Variants in HPSE2 observed in about 807,000 individuals in gnomAD.
The protein encoded by HPSE2 is inactive heparanase-2.
A neutral mutation model predicts 60.5 loss-of-function variants in HPSE2; 38 were observed. The ratio of observed to expected loss-of-function variants is 0.63; its 90% CI spans 0.48 to 0.82. The LOEUF (loss-of-function observed/expected upper bound fraction) is 0.82. HPSE2 is among the 40% of genes least tolerant of loss of function. The pLI is 0.00. For missense variants in HPSE2, 713 were observed against 740.4 expected, an observed-to-expected ratio of 0.96 and a Z score of 0.43; for synonymous variants, 295 against 293.2, an observed-to-expected ratio of 1.01 and a Z score of -0.06.
At chr10:98,870,797 A>G (rs1589981290) in intron 3 of HPSE2, among the ~76,000 whole-genome samples, 1 of 151,872 alleles carries the variant, frequency 6.6e-6, no homozygotes, top group East Asian at 1.9e-4. Context: ...ACAATTCCCA[A>G]TGTTGGAGCT....
rs532127546 is a variant in HPSE2, at chr10:98,572,782, T to TG, written c.1320+42121_1320+42122insC. Among the ~76,000 whole-genome samples, 8 of 152,206 alleles carry TG rather than the reference T, an allele frequency of 5.3e-5. No homozygotes were observed. In the South Asian group the frequency reaches 1.7e-3, roughly 32 times the overall value. The stretch of plus-strand genomic sequence containing the variant: ...GGCTCCACATGCCTCCTGTGTGAAA[T>TG]CCCCCCAACAAGACTCAGATGCCTC... On this transcript the variant is annotated intron_variant, in intron 9 of 11. Transcript: ENST00000370552.
At chr10:98,687,893 G>A (rs1245462941) in intron 6 of HPSE2, among the ~76,000 whole-genome samples, 1 of 152,044 alleles carries the variant, frequency 6.6e-6, no homozygotes, top group Non-Finnish European at 1.5e-5. Context: ...ATAGCATCCA[G>A]TCTGACAATC....
intron 3 of HPSE2, among the ~76,000 whole-genome samples, chr10:99,081,228 C>T (rs192050062): frequency 6.6e-6 from 1 of 152,176 alleles, no homozygotes; most frequent in South Asian, 2.1e-4. Context: ...AATACATATG[C>T]ATGTATGAAC....
chr10:98,477,193 G>A (rs912770784), intron 11 of HPSE2, among the ~76,000 whole-genome samples: 1 of 152,126 alleles, frequency 6.6e-6, no homozygotes, highest in South Asian at 2.1e-4. Flanking sequence ...TATTCTATAT[G>A]CTTCATGGTT....
intron 3 of HPSE2, among the ~76,000 whole-genome samples, chr10:99,125,324 C>T (rs1441740179): frequency 6.6e-6 from 1 of 152,190 alleles, no homozygotes; most frequent in East Asian, 1.9e-4. Flanking sequence ...TACGATTGGT[C>T]CTTCCATGAT....
chr10:98,762,894 A>G (rs987592229), intron 3 of HPSE2, among the ~76,000 whole-genome samples: 1 of 152,174 alleles, frequency 6.6e-6, no homozygotes, highest in African/African-American at 2.4e-5. Flanking sequence ...TGTATTATCA[A>G]ATAATAATAA....
At chr10:98,690,402 G>T (rs575417544) in intron 6 of HPSE2, among the ~76,000 whole-genome samples, 1 of 152,228 alleles carries the variant, frequency 6.6e-6, no homozygotes, top group South Asian at 2.1e-4. Flanking sequence ...TTAGCCTGGC[G>T]TGGTGGTGGG....
At chr10:98,710,611 G>A (rs1948652733) in intron 5 of HPSE2, among the ~76,000 whole-genome samples, 1 of 152,170 alleles carries the variant, frequency 6.6e-6, no homozygotes, top group South Asian at 2.1e-4. Context: ...TTTGCCGACT[G>A]ACAGGCATTT....
At chr10:98,885,986 C>T (rs1157938646) in intron 3 of HPSE2, among the ~76,000 whole-genome samples, 5 of 152,040 alleles carry the variant, frequency 3.3e-5, no homozygotes, top group East Asian at 3.9e-4. Context: ...AACAAACACC[C>T]TCTTAGTATC....
At chr10:98,825,791 A>G (rs1951532616) in intron 3 of HPSE2, among the ~76,000 whole-genome samples, 1 of 152,224 alleles carries the variant, frequency 6.6e-6, no homozygotes, top group Non-Finnish European at 1.5e-5. Context: ...GCAAAAGGAA[A>G]AGAGAAGACT....
At chr10:98,946,472 C>T (rs1277199166) in intron 3 of HPSE2, among the ~76,000 whole-genome samples, 1 of 93,230 alleles carries the variant, frequency 1.1e-5, no homozygotes, top group Admixed American at 1.1e-4. Flanking sequence ...GACCCTCACT[C>T]AAAAAAAAAA....
intron 3 of HPSE2, among the ~76,000 whole-genome samples, chr10:98,956,557 C>T (rs1274124451): frequency 3.9e-5 from 6 of 152,166 alleles, no homozygotes; most frequent in South Asian, 2.1e-4. Flanking sequence ...CTAGTGAATA[C>T]CCTTTCTCCC....
At chr10:98,580,824 T>TTATATATATATATATA (rs779671429) in intron 9 of HPSE2, among the ~76,000 whole-genome samples, 32,790 of 125,888 alleles carry the variant, frequency 0.26, 5,353 homozygotes, top group Admixed American at 0.4. Context: ...GTGCTTGGTT[T>TTATATATATATATATA]TATATATATA....
At chr10:99,184,522 CAAAAAAAAAAAA>C (rs200059066) in intron 2 of HPSE2, among the ~76,000 whole-genome samples, 4 of 60,768 alleles carry the variant, frequency 6.6e-5, no homozygotes, top group African/African-American at 3.6e-4. Flanking sequence ...GAGACTGTCT[CAAAAAAAAAAAA>C]AAAAAAAAAA....
the HPSE2 span, among the ~76,000 whole-genome samples, chr10:99,258,121 C>T: frequency 6.6e-6 from 1 of 151,354 alleles, no homozygotes; most frequent in African/African-American, 2.4e-5. Flanking sequence ...AGCCTGGTGA[C>T]TGGAGCCAGA....
intron 3 of HPSE2, among the ~76,000 whole-genome samples, chr10:98,990,782 T>C (rs914000235): frequency 5.9e-5 from 9 of 152,232 alleles, no homozygotes; most frequent in African/African-American, 2.2e-4. Flanking sequence ...TTAGCTTCTA[T>C]GGGATGTGCC....
intron 11 of HPSE2, among the ~76,000 whole-genome samples, chr10:98,476,149 A>T (rs916025292): frequency 2.0e-5 from 3 of 151,574 alleles, no homozygotes; most frequent in African/African-American, 7.3e-5. Flanking sequence ...AGCCATAAAA[A>T]ATGATGAGTT....
intron 6 of HPSE2, among the ~76,000 whole-genome samples, chr10:98,674,517 T>C (rs540637359): frequency 1.6e-4 from 25 of 152,240 alleles, no homozygotes; most frequent in Non-Finnish European, 2.9e-4. Flanking sequence ...ATTCTTAATA[T>C]AACATAGTTT....
chr10:99,235,099 CAT>C (rs1049511027), intron 1 of HPSE2, among the ~76,000 whole-genome samples: 3 of 71,876 alleles, frequency 4.2e-5, no homozygotes, highest in African/African-American at 1.5e-4. Context: ...TCCTGTCTCA[CAT>C]ACACACACAC....
Sources: allele counts gnomAD v4.1 joint callset (sites outside exome capture counted in the v4.1 genomes callset), GRCh38; gene constraint gnomAD v4.1.1; transcripts MANE v1.5; gene names NCBI Gene and HGNC (gene_info 2026-07-23, HGNC 2026-07-21).